The following ERICH3 variants were observed in gnomAD, a reference collection of about 807,000 sequenced individuals.
ERICH3 encodes glutamate rich 3, also known as glutamate-rich protein 3.
A neutral mutation model predicts 131.1 loss-of-function variants in ERICH3; 126 were observed. The ratio of observed to expected loss-of-function variants is 0.96; its 90% confidence interval spans 0.83 to 1.11. The LOEUF is 1.11. ERICH3 is among the 50% of genes most tolerant of loss of function. The pLI is 0.00. For missense variants in ERICH3, 2,050 were observed against 1,810.7 expected (o/e 1.13, Z -2.40); for synonymous variants, 695 against 644.6 (o/e 1.08, Z -1.18).
chr1:74,571,732 T>A lies in ERICH3; in HGVS notation c.3978A>T (p.Thr1326=), dbSNP rs1267698153. The change falls in exon 14 of 15, where the codon ACA becomes ACT. Residue 1326 remains threonine (T), a synonymous_variant. Transcript: ENST00000326665. ...GDGDMEGEGN[T]QKNEGMGGGR... ...CTCCTCCCATGCCCTCATTCTTTTG[T>A]GTGTTTCCTTCTCCTTCCATGTCCC... is the stretch of plus-strand genomic sequence containing the variant. The A allele has an allele frequency of 6.2e-7, 1 of 1,614,152 alleles. No individual in the cohort carries two copies. The highest frequency in any genetic ancestry group is 2.2e-5 in the East Asian group (1 of 44,866).
At chr1:74,573,662 A>T (rs1647001381) in intron 13 of ERICH3, among the ~76,000 whole-genome samples, 171 bp from the exon 14 acceptor site, 1 of 152,250 alleles carries the variant, frequency 6.6e-6, no homozygotes, top group South Asian at 2.1e-4. Flanking sequence ...GATGCTGACT[A>T]TAACATGCAC....
chr1:74,602,280 G>C (rs565158935), intron 10 of ERICH3, among the ~76,000 whole-genome samples: 1 of 151,894 alleles, frequency 6.6e-6, no homozygotes, highest in African/African-American at 2.4e-5. Context: ...TCACATTTAA[G>C]TATTAGCTTT....
intron 1 of ERICH3, among the ~76,000 whole-genome samples, chr1:74,654,583 C>G (rs566014805): frequency 3.5e-4 from 54 of 152,144 alleles, no homozygotes; most frequent in African/African-American, 1.2e-3. Context: ...TCATCGTGTC[C>G]TCATATGGGA....
chr1:74,663,433 G>A (rs1348214144), intron 1 of ERICH3, among the ~76,000 whole-genome samples: 1 of 152,054 alleles, frequency 6.6e-6, no homozygotes, highest in Non-Finnish European at 1.5e-5. Context: ...ATGGTTGACT[G>A]GCTACTAGAA....
In ERICH3 at chr1:74,572,619, C is replaced by T. The variant is rs1363600791; in HGVS notation, c.3091G>A (p.Gly1031Arg). ...TCTGCCTCAGTCACCATCTCTTCCC[C>T]TTCCACATCTTCCTTGCAAAGGAAG... ...EAFLCKEDVE[G>R]EEMVTEAEAN... Residue 1031 changes from glycine (G) to arginine (R), a missense_variant, in exon 14 of 15, where the codon GGG (glycine) becomes AGG (arginine). By Grantham distance (125) the Gly-to-Arg change is moderately radical. Transcript: ENST00000326665. 6.2e-7 allele frequency: 1 copy of T among 1,614,038 alleles called. No individual in the cohort carries two copies. The highest frequency in any genetic ancestry group is 8.5e-7 in the Non-Finnish European group (1 of 1,180,000).
In ERICH3 at chr1:74,673,700, G is replaced by T; in HGVS notation, c.-181C>A. On this transcript the variant is annotated 5_prime_UTR_variant, in exon 1 of 15. Coordinates refer to ENST00000326665, the MANE Select transcript of ERICH3 (RefSeq NM_001002912.5). ...GCGCCCGGGCTACCCGCAGCCTCCC[G>T]GGCTCCCACCCTCCGTTGGTATCCA... is the stretch of plus-strand genomic sequence containing the variant. 2.1e-6 allele frequency: 1 copy of T among 482,360 alleles called. No individual in the cohort carries two copies. The allele number at this position is 482,360 out of a possible 1,614,324, so 29.9% of individuals were successfully genotyped here.
intron 1 of ERICH3, among the ~76,000 whole-genome samples, chr1:74,659,972 C>A (rs767130801): frequency 4.6e-5 from 7 of 152,158 alleles, no homozygotes; most frequent in Non-Finnish European, 1.0e-4. Context: ...TATGCTATGG[C>A]TTGGCTGTGT....
chr1:74,589,088 C>T (rs554426738), intron 12 of ERICH3, among the ~76,000 whole-genome samples: 1 of 152,038 alleles, frequency 6.6e-6, no homozygotes, highest in African/African-American at 2.4e-5. Flanking sequence ...CTTATTTAAC[C>T]TTTGGAAGCT....
chr1:74,649,398 G>A (rs1646513025), intron 1 of ERICH3, 83 bp from the exon 2 acceptor site: 13 of 1,022,996 alleles, frequency 1.3e-5, no homozygotes, highest in Non-Finnish European at 1.8e-5. Flanking sequence ...TCCCCAAATA[G>A]TGCATAATCA....
intron 10 of ERICH3, among the ~76,000 whole-genome samples, chr1:74,600,905 G>T (rs997856987): frequency 1.3e-5 from 2 of 151,498 alleles, no homozygotes; most frequent in African/African-American, 2.4e-5. Flanking sequence ...GCTTCTCTGT[G>T]GGGGAGGGGG....
intron 3 of ERICH3, among the ~76,000 whole-genome samples, chr1:74,645,056 C>T (rs1646469474): frequency 6.6e-6 from 1 of 152,114 alleles, no homozygotes; most frequent in East Asian, 1.9e-4. Context: ...ACACCTTTCC[C>T]ACATTTTCAC....
chr1:74,585,088 A>T (rs1647268643), intron 12 of ERICH3, among the ~76,000 whole-genome samples: 1 of 152,206 alleles, frequency 6.6e-6, no homozygotes, highest in Non-Finnish European at 1.5e-5. Flanking sequence ...ATTTACATTA[A>T]ATACACTACT....
intron 5 of ERICH3, 78 bp downstream of exon 5, chr1:74,641,253 G>A (rs1646434779): frequency 6.6e-7 from 1 of 1,506,840 alleles, no homozygotes; most frequent in East Asian, 2.3e-5. Flanking sequence ...TGCTCCCAGA[G>A]AGTATCCCTT....
At chr1:74,642,532 A>ACACC (rs1426188305) in intron 4 of ERICH3, among the ~76,000 whole-genome samples, 1 of 152,126 alleles carries the variant, frequency 6.6e-6, no homozygotes, top group Non-Finnish European at 1.5e-5. Context: ...TAGAAAACAA[A>ACACC]CAAAGAATTT....
intron 2 of ERICH3, among the ~76,000 whole-genome samples, chr1:74,647,710 T>G (rs1200635679): frequency 6.6e-6 from 1 of 152,168 alleles, no homozygotes; most frequent in Non-Finnish European, 1.5e-5. Context: ...CCCTCTTTCA[T>G]GCAAGCCACA....
intron 8 of ERICH3, among the ~76,000 whole-genome samples, chr1:74,616,932 T>A (rs1421777778): frequency 1.3e-5 from 2 of 152,118 alleles, no homozygotes; most frequent in Non-Finnish European, 2.9e-5. Flanking sequence ...TACCTTCATT[T>A]TTGACTTTTG....
At chr1:74,594,302 G>GTGTATGCTT (rs1647745610) in intron 11 of ERICH3, among the ~76,000 whole-genome samples, 1 of 151,634 alleles carries the variant, frequency 6.6e-6, no homozygotes. Context: ...GTGTGTGTGT[G>GTGTATGCTT]TGTATGCTTT....
Position 74,632,035 on chromosome 1 carries a change from A to G in ERICH3, c.604-107T>C. On this transcript the variant is annotated intron_variant, in intron 6 of 14. Coordinates refer to ENST00000326665, the MANE Select transcript of ERICH3 (RefSeq NM_001002912.5). ...ATGATTGACATTGCATGCAAACACAACTGATATCAATAGACAAACTCAAAA... is the reference window on the plus strand; with the variant it reads ...ATGATTGACATTGCATGCAAACACAGCTGATATCAATAGACAAACTCAAAA... The G allele has an allele frequency of 4.1e-6, 4 of 972,214 alleles. No homozygotes were observed. The East Asian group carries it at 7.4e-5, about 18-fold the overall frequency. The allele number at this position is 972,214 out of a possible 1,614,324, so 60.2% of individuals were successfully genotyped here.
At chr1:74,592,864 A>T (rs1283613949) in intron 11 of ERICH3, among the ~76,000 whole-genome samples, 1 of 149,540 alleles carries the variant, frequency 6.7e-6, no homozygotes, top group Non-Finnish European at 1.5e-5. Context: ...CCTATAAAAA[A>T]GCTAAAAAAG....
Sources: gnomAD v4.1 joint callset for allele counts (sites outside exome capture counted in the v4.1 genomes callset) on GRCh38, gnomAD v4.1.1 for gene constraint, MANE v1.5 for transcripts, NCBI Gene and HGNC (gene_info 2026-07-23, HGNC 2026-07-21) for gene names.